Variants in EXOC2 observed in about 807,000 individuals in gnomAD.
EXOC2 encodes the protein SEC5-like 1.
A neutral mutation model predicts 131.8 loss-of-function variants in EXOC2; 70 were observed. The ratio of observed to expected loss-of-function variants is 0.53; its 90% CI spans 0.44 to 0.65. The LOEUF (loss-of-function observed/expected upper bound fraction) is 0.65, where lower values mean the gene tolerates loss of function less well. Ranked by LOEUF, EXOC2 falls within the 30% of genes least tolerant of loss-of-function variation. The pLI, the probability that EXOC2 is intolerant of heterozygous loss-of-function variation, is 0.00. For synonymous variants in EXOC2, 411 were observed against 398.4 expected, an observed-to-expected ratio of 1.03 and a Z score of -0.38; for missense variants, 923 against 1,108.6, an observed-to-expected ratio of 0.83 and a Z score of 2.38.
intron 1 of EXOC2, chr6:656,337 T>G: frequency 6.2e-7 from 1 of 1,614,164 alleles, no homozygotes. Flanking sequence ...ATTTTTAAAA[T>G]AACTTTGAAT....
intron 23 of EXOC2, among the ~76,000 whole-genome samples, chr6:520,908 GGACA>G (rs1561810315): frequency 0.02 from 2,794 of 139,146 alleles, 209 homozygotes; most frequent in East Asian, 0.12. Context: ...GTCCACACTC[GGACA>G]TGAAAATCAC....
chr6:630,469 A>C (rs908121986), intron 3 of EXOC2, among the ~76,000 whole-genome samples: 8 of 152,230 alleles, frequency 5.3e-5, no homozygotes, highest in African/African-American at 1.9e-4. Context: ...CTCAGTGGAA[A>C]GCTTCTGGTT....
chr6:491,143 T>A lies in EXOC2; in HGVS notation c.2603A>T (p.Tyr868Phe), dbSNP rs1300305523. The change falls in exon 26 of 28, where the codon TAC becomes TTC. Residue 868 changes from tyrosine to phenylalanine, a missense_variant. By Grantham distance (22) the Tyr-to-Phe change is conservative (BLOSUM62 3). Transcript: ENST00000230449. ...CACTTACTTGCTTTCGGGTGTCAGG[T>A]AAACAGCCACAGTGTCCCTCAAAGC... ...ICALRDTVAV[Y>F]LTPESKSSFK... 2 of 1,614,162 alleles carry A rather than the reference T, an allele frequency of 1.2e-6. No individual in the cohort carries two copies.
chr6:668,597 C>T (rs1298752256), intron 1 of EXOC2, among the ~76,000 whole-genome samples: 1 of 152,176 alleles, frequency 6.6e-6, no homozygotes, highest in Non-Finnish European at 1.5e-5. Context: ...CCTAACCTCC[C>T]TCAGCCCCAG....
chr6:657,039 G>GCCCT (rs1763158700), intron 1 of EXOC2: 1 of 1,059,732 alleles, frequency 9.4e-7, no homozygotes. Context: ...TGCCCTCCCC[G>GCCCT]CCCTCCCTCC....
chr6:527,279 C>A (rs542185398), intron 23 of EXOC2, among the ~76,000 whole-genome samples: 1 of 152,204 alleles, frequency 6.6e-6, no homozygotes, highest in Non-Finnish European at 1.5e-5. Flanking sequence ...AGAAATTCTA[C>A]GCTGGACCTG....
chr6:667,704 A>G lies in EXOC2; in HGVS notation c.-44+25315T>C, dbSNP rs1763676586. On this transcript the variant is annotated intron_variant, in intron 1 of 27. Coordinates refer to ENST00000230449, the MANE Select transcript of EXOC2 (RefSeq NM_018303.6). ...CCCAGGTTCTGAGGCCTTTGGCCTC[A>G]GACTGAGAGATACACTGCGGGCTCC... Among the ~76,000 whole-genome samples, 2 of 85,318 alleles carry G rather than the reference A, an allele frequency of 2.3e-5. 1 individual carries two copies. The highest frequency in any genetic ancestry group is 6.8e-5 in the African/African-American group (2 of 29,288). The allele number at this position is 85,318 out of a possible 152,430, so 56.0% of individuals were successfully genotyped here.
At chr6:494,019 G>A (rs923097214) in intron 25 of EXOC2, among the ~76,000 whole-genome samples, 5 of 152,154 alleles carry the variant, frequency 3.3e-5, no homozygotes, top group East Asian at 1.9e-4. Context: ...CCACAGTAGC[G>A]ACTGCGACTG....
intron 1 of EXOC2, among the ~76,000 whole-genome samples, chr6:674,632 A>G (rs1412851951): frequency 1.3e-5 from 2 of 152,014 alleles, no homozygotes; most frequent in African/African-American, 4.8e-5. Context: ...AATAAGAAAC[A>G]CTACTGTACT....
chr6:555,436 TA>T lies in EXOC2; in HGVS notation c.1993-149del. On this transcript the variant is annotated intron_variant, in intron 19 of 27. Coordinates refer to ENST00000230449, the MANE Select transcript of EXOC2 (RefSeq NM_018303.6). ...GTGTGCATGTATGAATATGTGTATA[TA>T]CTGTATATGCCCCATTAATGACAGA... 6.4e-6 allele frequency: 3 copies of T among 468,430 alleles called. No individual in the cohort carries two copies. In the East Asian group the frequency reaches 9.2e-5, roughly 14 times the overall value. 29.0% of individuals were successfully genotyped at this position (468,430 alleles called of 1,614,324 possible).
At chr6:574,159 C>G (rs1008009966) in intron 12 of EXOC2, among the ~76,000 whole-genome samples, 2 of 152,132 alleles carry the variant, frequency 1.3e-5, no homozygotes, top group African/African-American at 4.8e-5. Context: ...CGGTCTTTTG[C>G]AATTAAAATG....
At chr6:600,076 AT>A (rs1760047768) in intron 7 of EXOC2, among the ~76,000 whole-genome samples, 1 of 152,214 alleles carries the variant, frequency 6.6e-6, no homozygotes, top group African/African-American at 2.4e-5. Flanking sequence ...TCTAGTGACT[AT>A]ACTTTAAGCA....
chr6:657,076 G>A, intron 1 of EXOC2: 1 of 750,392 alleles, frequency 1.3e-6, no homozygotes, highest in Non-Finnish European at 2.0e-6. Context: ...AGGCACTCGG[G>A]TTCCCGGTTG....
intron 1 of EXOC2, among the ~76,000 whole-genome samples, chr6:646,561 A>G (rs1762587649): frequency 6.6e-6 from 1 of 152,252 alleles, no homozygotes; most frequent in Non-Finnish European, 1.5e-5. Flanking sequence ...TCCCATTAAC[A>G]TTAGCCTGCT....
rs1278021926 is a variant in EXOC2, at chr6:564,097, G to C, written c.1725C>G (p.Ile575Met). The C allele has an allele frequency of 1.2e-6, 2 of 1,614,012 alleles. No homozygotes were observed. Among genetic ancestry groups the C allele is most frequent in the East Asian group, 2.2e-5 (1 of 44,896 alleles). ...LEIPNDLLQT[I>M]QDLILDLRVR... The stretch of plus-strand genomic sequence containing the variant: ...CTCGGAGATCCAAGATGAGATCCTG[G>C]ATAGTCTGTAACAGGTCATTAGGAA... The change falls in exon 16 of 28, where the codon ATC becomes ATG. Residue 575 changes from isoleucine (I) to methionine (M), a missense_variant. Transcript: ENST00000230449.
intron 23 of EXOC2, among the ~76,000 whole-genome samples, chr6:505,645 G>C (rs1171798753): frequency 6.6e-6 from 1 of 152,154 alleles, no homozygotes; most frequent in Non-Finnish European, 1.5e-5. Flanking sequence ...TGTCCTCCTG[G>C]GCACTGTGTC....
At chr6:678,081 T>C (rs1562005988) in intron 1 of EXOC2, among the ~76,000 whole-genome samples, 1 of 152,160 alleles carries the variant, frequency 6.6e-6, no homozygotes, top group Non-Finnish European at 1.5e-5. Flanking sequence ...TGAGAGATGC[T>C]AACTGGCACG....
intron 11 of EXOC2, among the ~76,000 whole-genome samples, chr6:578,409 A>C (rs1206974878): frequency 1.3e-5 from 2 of 152,184 alleles, no homozygotes; most frequent in Non-Finnish European, 2.9e-5. Flanking sequence ...GTGGAGGCAG[A>C]AAATAAACCA....
intron 6 of EXOC2, among the ~76,000 whole-genome samples, chr6:615,662 G>A (rs1157525141): frequency 6.7e-6 from 1 of 150,100 alleles, no homozygotes; most frequent in Non-Finnish European, 1.5e-5. Context: ...AGAGGTTGCA[G>A]TAAGCTGAAA....
Sources: gnomAD v4.1 joint callset for allele counts (sites outside exome capture counted in the v4.1 genomes callset) on GRCh38, gnomAD v4.1.1 for gene constraint, MANE v1.5 for transcripts, NCBI Gene and HGNC (gene_info 2026-07-23, HGNC 2026-07-21) for gene names.